The following MAPK10 variants were observed in gnomAD, a reference collection of about 807,000 sequenced individuals.
MAPK10 encodes JNK3 alpha protein kinase.
In MAPK10, 25 loss-of-function variants were observed where a neutral mutation model predicts 59.3. The observed-to-expected ratio is 0.42, with a 90% CI of 0.31 to 0.59. MAPK10 has a LOEUF of 0.59. Ranked by LOEUF, MAPK10 falls within the 20% of genes least tolerant of loss-of-function variation. The probability of loss-of-function intolerance (pLI) is 0.15; values close to 1 mark genes in which losing one functional copy is unlikely to be tolerated. For synonymous variants in MAPK10, 190 were observed against 200.5 expected, an observed-to-expected ratio of 0.95 and a Z score of 0.44; for missense variants, 351 against 568.9, an observed-to-expected ratio of 0.62 and a Z score of 3.90.
chr4:86,512,628 A>G (rs1434685042), intron 1 of MAPK10, among the ~76,000 whole-genome samples: 1 of 152,210 alleles, frequency 6.6e-6, no homozygotes, highest in African/African-American at 2.4e-5. Flanking sequence ...AGCCTTGTGC[A>G]TTGTTTTTGA....
At chr4:86,179,489 GA>G (rs1046569483) in intron 3 of MAPK10, among the ~76,000 whole-genome samples, 1 of 151,250 alleles carries the variant, frequency 6.6e-6, no homozygotes, top group Non-Finnish European at 1.5e-5. Context: ...TTCTTCCCAG[GA>G]AAAAAAATCC....
At chr4:86,274,144 T>C (rs2094507066) in intron 2 of MAPK10, among the ~76,000 whole-genome samples, 1 of 152,040 alleles carries the variant, frequency 6.6e-6, no homozygotes, top group South Asian at 2.1e-4. Flanking sequence ...TAGCTGGAGA[T>C]AAATCTATTA....
chr4:86,190,026 T>C (rs1484607747), intron 3 of MAPK10, among the ~76,000 whole-genome samples: 1 of 152,218 alleles, frequency 6.6e-6, no homozygotes, highest in Non-Finnish European at 1.5e-5. Context: ...TGTCATTGGT[T>C]CTGTTTCTGT....
intron 2 of MAPK10, among the ~76,000 whole-genome samples, chr4:86,225,069 T>C (rs1307520696): frequency 2.0e-5 from 3 of 152,308 alleles, no homozygotes; most frequent in South Asian, 4.1e-4. Flanking sequence ...TTAATACTCA[T>C]GCAAGAATCC....
At chr4:86,194,073 G>A in intron 3 of MAPK10, 3 of 432,108 alleles carry the variant, frequency 6.9e-6, no homozygotes, top group Non-Finnish European at 4.2e-6. Context: ...TCTGTGGGCT[G>A]CACCCACTCT....
At chr4:86,191,494 A>G (rs2079769556) in intron 3 of MAPK10, 1 of 120,446 alleles carries the variant, frequency 8.3e-6, no homozygotes, top group Non-Finnish European at 1.7e-5. Flanking sequence ...CTTTACCTTT[A>G]TGTAATGCCT....
intron 1 of MAPK10, among the ~76,000 whole-genome samples, chr4:86,415,360 G>T (rs747609647): frequency 6.6e-6 from 1 of 152,118 alleles, no homozygotes; most frequent in Non-Finnish European, 1.5e-5. Context: ...TTTGCCTCGT[G>T]ACTTCAGAAT....
rs1463506652 is a variant in MAPK10, at chr4:86,253,487, C to T, written c.-6-59080G>A. Among the ~76,000 whole-genome samples, 19 of 101,828 alleles carry T rather than the reference C, an allele frequency of 1.9e-4. No homozygotes were observed. In the South Asian group the frequency reaches 5.4e-3, roughly 29 times the overall value. 66.8% of individuals were successfully genotyped at this position (101,828 alleles called of 152,430 possible). The stretch of plus-strand genomic sequence containing the variant: ...ATGCTGGATTACATTTATTGATTTG[C>T]GTATATTGAACCAGCCTTGCATCCC... On this transcript the variant is annotated intron_variant, in intron 2 of 13. Coordinates refer to ENST00000641462, the MANE Select transcript of MAPK10 (RefSeq NM_138982.4).
At chr4:86,494,436 AG>A (rs1047005526) in intron 1 of MAPK10, among the ~76,000 whole-genome samples, 13 of 152,208 alleles carry the variant, frequency 8.5e-5, no homozygotes, top group Non-Finnish European at 1.6e-4. Context: ...GGTCAGGAGA[AG>A]GGAAAAGAGC....
intron 1 of MAPK10, among the ~76,000 whole-genome samples, chr4:86,452,267 C>T (rs1214662648): frequency 2.0e-5 from 3 of 152,222 alleles, no homozygotes; most frequent in Non-Finnish European, 4.4e-5. Context: ...CCCAAATATA[C>T]TAACGTGACC....
Sources: allele counts gnomAD v4.1 joint callset (sites outside exome capture counted in the v4.1 genomes callset), GRCh38; gene constraint gnomAD v4.1.1; transcripts MANE v1.5; gene names NCBI Gene and HGNC (gene_info 2026-07-23, HGNC 2026-07-21).